BTBD9: variants seen among roughly 807,000 people sequenced by gnomAD.
BTBD9 encodes BTB/POZ domain-containing protein 9.
In BTBD9, 49 loss-of-function variants were observed where a neutral mutation model predicts 64.3. The observed-to-expected ratio is 0.76, with a 90% CI of 0.61 to 0.97. The LOEUF (loss-of-function observed/expected upper bound fraction) is 0.97. Among genes scored for constraint, BTBD9 ranks in the 50% least tolerant of loss-of-function variants. The pLI, the probability that BTBD9 is intolerant of heterozygous loss-of-function variation, is 0.00. For synonymous variants in BTBD9, 260 were observed against 274.7 expected, an observed-to-expected ratio of 0.95 and a Z score of 0.53; for missense variants, 598 against 762.1, an observed-to-expected ratio of 0.78 and a Z score of 2.53.
intron 6 of BTBD9, among the ~76,000 whole-genome samples, chr6:38,353,575 C>T (rs1329855352): frequency 6.6e-6 from 1 of 152,166 alleles, no homozygotes; most frequent in Non-Finnish European, 1.5e-5. Context: ...CTCAATAAAA[C>T]ATCTGAAACC....
chr6:38,364,700 G>A (rs1476555248), intron 6 of BTBD9, among the ~76,000 whole-genome samples: 4 of 152,122 alleles, frequency 2.6e-5, no homozygotes, highest in East Asian at 1.9e-4. Flanking sequence ...GGTTTTCTGC[G>A]TAGTTCTGCT....
At chr6:38,552,871 T>G (rs1242636598) in intron 6 of BTBD9, among the ~76,000 whole-genome samples, 1 of 152,174 alleles carries the variant, frequency 6.6e-6, no homozygotes, top group East Asian at 1.9e-4. Context: ...TCCCTTTGTA[T>G]GCATGGGGGA....
At chr6:38,469,133 G>A (rs1207116657) in intron 6 of BTBD9, among the ~76,000 whole-genome samples, 1 of 151,336 alleles carries the variant, frequency 6.6e-6, no homozygotes, top group African/African-American at 2.4e-5. Flanking sequence ...TGGTCAACAA[G>A]TAAATAATCT....
At chr6:38,506,766 G>A (rs1048164765) in intron 6 of BTBD9, among the ~76,000 whole-genome samples, 2 of 152,134 alleles carry the variant, frequency 1.3e-5, no homozygotes, top group African/African-American at 2.4e-5. Flanking sequence ...AACAGTCATT[G>A]TGACTTTTTT....
chr6:38,341,741 C>T (rs1160749625), intron 7 of BTBD9, among the ~76,000 whole-genome samples: 2 of 152,182 alleles, frequency 1.3e-5, no homozygotes, highest in Admixed American at 1.3e-4. Context: ...CTTACAAATG[C>T]CTCCTAACAC....
intron 6 of BTBD9, among the ~76,000 whole-genome samples, chr6:38,468,342 T>C (rs987035528): frequency 6.6e-6 from 1 of 152,210 alleles, no homozygotes; most frequent in Non-Finnish European, 1.5e-5. Context: ...ATTCCCTACA[T>C]ACCTCGCACA....
rs115755611 is a variant in BTBD9 at position 38,496,753 on chromosome 6, G to A, written c.1154+80847C>T. On this transcript the variant is annotated intron_variant, in intron 6 of 10. Transcript: ENST00000481247. The stretch of plus-strand genomic sequence containing the variant: ...ACTCAATGGACAATTTTAAAAATTC[G>A]GGCTTTTGGCTAATGGTCATTCCAA... Among the ~76,000 whole-genome samples the A allele has an allele frequency of 6.9e-3, 1,047 of 152,124 alleles. 7 individuals carry two copies. Among genetic ancestry groups the A allele is most frequent in the African/African-American group, 0.024 (988 of 41,504 alleles).
chr6:38,174,762 C>T lies in BTBD9; in HGVS notation c.*223G>A. The T allele has an allele frequency of 3.6e-6, 2 of 559,838 alleles. No individual in the cohort carries two copies. The highest frequency in any genetic ancestry group is 6.3e-6 in the Non-Finnish European group (2 of 319,478). The allele number at this position is 559,838 out of a possible 1,614,324, so 34.7% of individuals were successfully genotyped here. The stretch of plus-strand genomic sequence containing the variant: ...TTGATGAAGATTGAAGACCCATTTT[C>T]TCCCCCTTGAGACCTGCCTGATTTG... On this transcript the variant is annotated 3_prime_UTR_variant, in exon 11 of 11. Transcript: ENST00000481247.
At chr6:38,630,556 A>G (rs1444930194) in intron 1 of BTBD9, among the ~76,000 whole-genome samples, 1 of 152,220 alleles carries the variant, frequency 6.6e-6, no homozygotes, top group Non-Finnish European at 1.5e-5. Context: ...AAATGTTAAC[A>G]TTTGGGAGAT....
At chr6:38,289,267 G>A (rs765477127) in intron 7 of BTBD9, among the ~76,000 whole-genome samples, 84 of 152,070 alleles carry the variant, frequency 5.5e-4, no homozygotes, top group Non-Finnish European at 9.4e-4. Context: ...CCAGCGACTC[G>A]GCCTACTGAG....
At chr6:38,179,236 A>C in intron 10 of BTBD9, 1 of 342,544 alleles carries the variant, frequency 2.9e-6, no homozygotes. Context: ...AATTCAAATA[A>C]CAAGTATTTT....
At chr6:38,628,610 G>A (rs1288640637) in intron 1 of BTBD9, among the ~76,000 whole-genome samples, 1 of 152,064 alleles carries the variant, frequency 6.6e-6, no homozygotes, top group African/African-American at 2.4e-5. Context: ...ATGAACTTAT[G>A]GTTAATATAG....
At chr6:38,459,796 A>G (rs1188050751) in intron 6 of BTBD9, among the ~76,000 whole-genome samples, 1 of 152,226 alleles carries the variant, frequency 6.6e-6, no homozygotes. Flanking sequence ...ACACAGGTAC[A>G]TTTAATTTGC....
intron 5 of BTBD9, among the ~76,000 whole-genome samples, chr6:38,578,720 G>T (rs1013518535): frequency 6.6e-6 from 1 of 152,016 alleles, no homozygotes; most frequent in African/African-American, 2.4e-5. Flanking sequence ...AATCTTTTTG[G>T]CTTAAGATTC....
At chr6:38,221,365 G>A (rs1763189359) in intron 9 of BTBD9, among the ~76,000 whole-genome samples, 1 of 152,114 alleles carries the variant, frequency 6.6e-6, no homozygotes, top group Non-Finnish European at 1.5e-5. Context: ...CTGCTTTCCT[G>A]TAATCACCCA....
intron 9 of BTBD9, among the ~76,000 whole-genome samples, chr6:38,241,687 T>C (rs7745176): frequency 0.11 from 16,463 of 152,246 alleles, 1,342 homozygotes; most frequent in East Asian, 0.48. Context: ...ACATAATTTA[T>C]AACACCACGG....
intron 4 of BTBD9, among the ~76,000 whole-genome samples, chr6:38,580,907 A>G (rs1776254222): frequency 7.6e-6 from 1 of 131,620 alleles, no homozygotes; most frequent in Non-Finnish European, 1.6e-5. Flanking sequence ...ATATCTACTA[A>G]ACAGGCGGGG....
chr6:38,562,432 C>T (rs1775302886), intron 6 of BTBD9, among the ~76,000 whole-genome samples: 1 of 152,062 alleles, frequency 6.6e-6, no homozygotes, highest in South Asian at 2.1e-4. Context: ...TCTTCATTTC[C>T]TCATCTCCCA....
chr6:38,614,129 G>A (rs554837234), intron 1 of BTBD9, among the ~76,000 whole-genome samples: 1 of 152,178 alleles, frequency 6.6e-6, no homozygotes, highest in Admixed American at 6.5e-5. Flanking sequence ...TTTTACTATT[G>A]GAACTTCTTG....
Sources: allele counts gnomAD v4.1 joint callset (sites outside exome capture counted in the v4.1 genomes callset), GRCh38; gene constraint gnomAD v4.1.1; transcripts MANE v1.5; gene names NCBI Gene and HGNC (gene_info 2026-07-23, HGNC 2026-07-21).